The following ZNF117 variants were observed in gnomAD, a reference collection of about 807,000 sequenced individuals.
ZNF117 encodes Krueppel-related zinc finger protein.
Under a neutral mutation model 41.2 loss-of-function variants are expected in ZNF117, and 37 were observed. The observed-to-expected ratio is 0.90, with a 90% CI of 0.69 to 1.18. ZNF117 has a LOEUF of 1.18. Among genes scored for constraint, ZNF117 ranks in the 50% most tolerant of loss-of-function variants. The pLI is 0.00. For synonymous variants in ZNF117, 186 were observed against 186.6 expected (o/e 1.00, Z 0.02); for missense variants, 546 against 557.5 (o/e 0.98, Z 0.21).
At chr7:64,976,665 T>C in exon 3 of ZNF117, 2 of 291,210 alleles carry the variant, frequency 6.9e-6, no homozygotes, top group South Asian at 3.3e-5. Context: ...TCCTCCAGTA[T>C]AAATTATCTT....
upstream of ZNF117, among the ~76,000 whole-genome samples, chr7:64,987,111 ACTTGATAC>A (rs1786152888): frequency 6.6e-6 from 1 of 152,144 alleles, no homozygotes; most frequent in Non-Finnish European, 1.5e-5. Flanking sequence ...TCTGACCACA[ACTTGATAC>A]AAATATAAAT....
At chr7:64,982,952 T>C (rs1608714), upstream of ZNF117, among the ~76,000 whole-genome samples, 144,428 of 152,244 alleles carry the variant, frequency 0.95, 68,988 homozygotes, top group East Asian at 1. Context: ...GCTGCGATAT[T>C]GATCTCAAAA....
At chr7:64,988,711 C>A (rs1169685038) in intron 1 of ZNF117, among the ~76,000 whole-genome samples, 1 of 152,154 alleles carries the variant, frequency 6.6e-6, no homozygotes, top group African/African-American at 2.4e-5. Context: ...ATAGTCTCCA[C>A]AGAAAAGCTC....
upstream of ZNF117, among the ~76,000 whole-genome samples, chr7:64,985,727 G>A (rs1786119628): frequency 6.6e-6 from 1 of 152,126 alleles, no homozygotes; most frequent in Non-Finnish European, 1.5e-5. Context: ...TTGGGAGGCT[G>A]AGGCTGGTGA....
upstream of ZNF117, among the ~76,000 whole-genome samples, chr7:64,983,416 AT>A (rs1482873697): frequency 6.6e-6 from 1 of 152,214 alleles, no homozygotes. Context: ...AGGAAAAAAT[AT>A]TTTTCAGAGA....
intron 1 of ZNF117, among the ~76,000 whole-genome samples, chr7:64,989,443 T>TTATATATATATACA (rs1786205259): frequency 1.0e-4 from 5 of 49,466 alleles, no homozygotes; most frequent in Admixed American, 9.4e-4. Flanking sequence ...GAACTTAAAA[T>TTATATATATATACA]TATATATATA....
chr7:64,976,571 G>C (rs1165754368), exon 3 of ZNF117: 1 of 200,536 alleles, frequency 5.0e-6, no homozygotes, highest in Non-Finnish European at 1.0e-5. Flanking sequence ...ATTTATATTT[G>C]TACAATTTTT....
At chr7:64,989,704 C>A (rs1362316630) in intron 1 of ZNF117, among the ~76,000 whole-genome samples, 1 of 150,882 alleles carries the variant, frequency 6.6e-6, no homozygotes, top group Non-Finnish European at 1.5e-5. Context: ...AAAATATTTG[C>A]AAACTATGCT....
exon 3 of ZNF117, chr7:64,974,781 G>A (rs527473789): frequency 6.6e-6 from 1 of 151,910 alleles, no homozygotes; most frequent in Admixed American, 6.5e-5. Context: ...CCATGAAAAT[G>A]ACCCTATAGT....
exon 3 of ZNF117, chr7:64,977,194 A>T: frequency 4.5e-6 from 2 of 445,126 alleles, no homozygotes; most frequent in South Asian, 3.4e-5. Context: ...AGCGTTGAGG[A>T]CAGGTTAAAG....
chr7:64,986,498 G>T (rs562023541), upstream of ZNF117, among the ~76,000 whole-genome samples: 9 of 152,222 alleles, frequency 5.9e-5, no homozygotes, highest in Non-Finnish European at 1.2e-4. Flanking sequence ...ACAAAAAGGG[G>T]CAGGGGAACA....
upstream of ZNF117, among the ~76,000 whole-genome samples, chr7:64,983,295 A>G (rs552900646): frequency 6.6e-6 from 1 of 152,212 alleles, no homozygotes; most frequent in East Asian, 1.9e-4. Flanking sequence ...CCCATGTTCA[A>G]CAGCCACAGA....
At chr7:64,989,379 T>C (rs995604464) in intron 1 of ZNF117, among the ~76,000 whole-genome samples, 1 of 146,252 alleles carries the variant, frequency 6.8e-6, no homozygotes, top group African/African-American at 2.5e-5. Flanking sequence ...ACTGGATGCC[T>C]TTCTTACATG....
chr7:64,978,400 A>C, exon 3 of ZNF117: 2 of 1,613,664 alleles, frequency 1.2e-6, no homozygotes, highest in Non-Finnish European at 1.7e-6. Context: ...GATTCTCTAC[A>C]TTTGTGGGGA....
exon 3 of ZNF117, chr7:64,978,936 T>C: frequency 1.2e-6 from 2 of 1,613,536 alleles, no homozygotes; most frequent in African/African-American, 1.3e-5. Context: ...ATGAATTATA[T>C]TATGTGTAGT....
At chr7:64,983,835 A>G (rs760482933), upstream of ZNF117, among the ~76,000 whole-genome samples, 24 of 152,252 alleles carry the variant, frequency 1.6e-4, no homozygotes, top group Non-Finnish European at 3.1e-4. Context: ...CATTCAAGAG[A>G]AAAACAGCTC....
At chr7:64,975,695 TA>T (rs1477303454) in exon 3 of ZNF117, 2 of 152,172 alleles carry the variant, frequency 1.3e-5, no homozygotes, top group African/African-American at 4.8e-5. Context: ...TAATTATAAC[TA>T]AAAATATTTC....
rs763803290 is a variant in ZNF117, at chr7:64,979,506, C to T, written c.65G>A (p.Trp22Ter). 1.3e-6 allele frequency: 2 copies of T among 1,527,102 alleles called. No homozygotes were observed. Among genetic ancestry groups the T allele is most frequent in the Middle Eastern group, 1.8e-4 (1 of 5,684 alleles). 94.6% of individuals were successfully genotyped at this position (1,527,102 alleles called of 1,614,324 possible). The change falls in exon 3 of 3, where the codon TGG becomes TAG. Residue 22 changes from tryptophan (W) to a stop codon, truncating the protein, a stop_gained. Transcript: ENST00000620222. LOFTEE classifies it high-confidence loss of function. ...AGAATCTCTTATGTTCTGCTCTGGC[C>T]AAAGGTGTTGGGCAAAATAATAAAA...
chr7:64,981,457 CAGGT>C (rs1786031409), exon 2 of ZNF117: 1 of 1,611,176 alleles, frequency 6.2e-7, no homozygotes, highest in Non-Finnish European at 8.5e-7. Flanking sequence ...GACAGGTAAT[CAGGT>C]CTGGCTTAGA....
Sources: gnomAD v4.1 joint callset for allele counts (sites outside exome capture counted in the v4.1 genomes callset) on GRCh38, gnomAD v4.1.1 for gene constraint, MANE v1.5 for transcripts, NCBI Gene and HGNC (gene_info 2026-07-23, HGNC 2026-07-21) for gene names.